The following TBXAS1 variants were observed in gnomAD, a reference collection of about 807,000 sequenced individuals.
TBXAS1 encodes thromboxane A synthase 1.
A neutral mutation model predicts 60.7 loss-of-function variants in TBXAS1; 48 were observed. The observed-to-expected ratio is 0.79, with a 90% confidence interval of 0.63 to 1.01. The LOEUF (loss-of-function observed/expected upper bound fraction) is 1.01, where lower values mean the gene tolerates loss of function less well. Ranked by LOEUF, TBXAS1 falls within the 50% of genes least tolerant of loss-of-function variation. TBXAS1 has a pLI of 0.00. For missense variants in TBXAS1, 685 were observed against 686.3 expected, an observed-to-expected ratio of 1.00 and a Z score of 0.02; for synonymous variants, 287 against 269.7, an observed-to-expected ratio of 1.06 and a Z score of -0.63.
chr7:139,959,151 C>T (rs1353637270), intron 8 of TBXAS1, among the ~76,000 whole-genome samples: 1 of 152,192 alleles, frequency 6.6e-6, no homozygotes, highest in Non-Finnish European at 1.5e-5. Context: ...TTGCCTAGAG[C>T]TTTTCCTTTT....
intron 9 of TBXAS1, among the ~76,000 whole-genome samples, chr7:139,990,777 G>A (rs2117593912): frequency 6.6e-6 from 1 of 151,596 alleles, no homozygotes; most frequent in East Asian, 2.0e-4. Context: ...TGGCTGCCTG[G>A]GCCTACGATC....
rs563154121 is a variant in TBXAS1 at position 140,013,984 on chromosome 7, G to A, written c.1227-1739G>A. 4.6e-4 allele frequency among the ~76,000 whole-genome samples: 70 copies of A among 152,256 alleles called. No individual in the cohort carries two copies. The highest frequency in any genetic ancestry group is 1.0e-3 in the Admixed American group (16 of 15,290). On this transcript the variant is annotated intron_variant, in intron 10 of 12. Transcript: ENST00000448866. The surrounding 1 kb of genome is among the most constrained non-coding windows in gnomAD (Gnocchi z 4.2). ...GCTACAGGTTTCACCAGCTAACTGC[G>A]ACTCTAGCCTCAGCTCTGGGGCCAT... is the stretch of plus-strand genomic sequence containing the variant.
intron 1 of TBXAS1, among the ~76,000 whole-genome samples, chr7:139,832,160 T>A (rs572250478): frequency 2.0e-3 from 303 of 152,252 alleles, no homozygotes; most frequent in African/African-American, 6.9e-3. Context: ...CCCCAAATAC[T>A]GTGAGTGCCC....
chr7:139,808,727 A>C (rs1002845287), intron 4 of TBXAS1, among the ~76,000 whole-genome samples: 1 of 152,020 alleles, frequency 6.6e-6, no homozygotes, highest in African/African-American at 2.4e-5. Context: ...TGCTCTCCCC[A>C]CATTGCAATG....
intron 9 of TBXAS1, among the ~76,000 whole-genome samples, chr7:139,995,755 C>T (rs1813242824): frequency 6.6e-6 from 1 of 152,228 alleles, no homozygotes; most frequent in Non-Finnish European, 1.5e-5. Context: ...ACCCCCACAA[C>T]TGCATGGCAC....
chr7:139,909,162 G>A (rs1271463844), intron 3 of TBXAS1, among the ~76,000 whole-genome samples: 1 of 152,090 alleles, frequency 6.6e-6, no homozygotes, highest in African/African-American at 2.4e-5. Flanking sequence ...ATTTCCTTGG[G>A]TTCATCTGAG....
chr7:139,990,640 C>T (rs575079808), intron 9 of TBXAS1, among the ~76,000 whole-genome samples: 1 of 152,118 alleles, frequency 6.6e-6, no homozygotes, highest in South Asian at 2.1e-4. Flanking sequence ...GCTGTGCCCC[C>T]TCTCGGGGCC....
chr7:139,799,988 G>A (rs1031414044), intron 4 of TBXAS1, among the ~76,000 whole-genome samples: 1 of 152,190 alleles, frequency 6.6e-6, no homozygotes, highest in Non-Finnish European at 1.5e-5. Flanking sequence ...AGCCAGAAAT[G>A]TGTGGATCAT....
intron 4 of TBXAS1, among the ~76,000 whole-genome samples, chr7:139,796,051 T>C (rs1797560408): frequency 6.6e-6 from 1 of 152,164 alleles, no homozygotes; most frequent in Non-Finnish European, 1.5e-5. Flanking sequence ...GGGGATCATG[T>C]TCCCCTGAAA....
intron 4 of TBXAS1, among the ~76,000 whole-genome samples, chr7:139,819,598 G>A (rs1255820086): frequency 6.6e-6 from 1 of 152,132 alleles, no homozygotes; most frequent in Non-Finnish European, 1.5e-5. Flanking sequence ...CGCCTCCCAG[G>A]TTCAAGCGAT....
chr7:139,905,107 T>C (rs1032989684), intron 3 of TBXAS1, among the ~76,000 whole-genome samples: 5 of 150,012 alleles, frequency 3.3e-5, no homozygotes, highest in Non-Finnish European at 5.9e-5. Context: ...CTCTCTCTCT[T>C]TCTTTCTCTT....
intron 3 of TBXAS1, among the ~76,000 whole-genome samples, chr7:139,889,101 G>C (rs1803347798): frequency 6.6e-6 from 1 of 152,102 alleles, no homozygotes; most frequent in African/African-American, 2.4e-5. Flanking sequence ...GGGAGGCCGA[G>C]GTGGGGAGAT....
At chr7:139,874,846 G>A (rs987690329) in intron 2 of TBXAS1, among the ~76,000 whole-genome samples, 2 of 152,214 alleles carry the variant, frequency 1.3e-5, no homozygotes, top group African/African-American at 4.8e-5. Context: ...TGTAATCCCA[G>A]CACTTTGGGA....
chr7:140,014,908 C>CAAAAA (rs771922926), intron 10 of TBXAS1, among the ~76,000 whole-genome samples: 1 of 131,280 alleles, frequency 7.6e-6, no homozygotes, highest in African/African-American at 3.1e-5. Context: ...GACCCTGTCT[C>CAAAAA]AAAAAAAAAG....
At chr7:139,805,154 G>A (rs62491750) in intron 4 of TBXAS1, among the ~76,000 whole-genome samples, 1 of 152,240 alleles carries the variant, frequency 6.6e-6, no homozygotes, top group Non-Finnish European at 1.5e-5. Flanking sequence ...GCCATCAGTG[G>A]CGCTAGCCAG....
intron 3 of TBXAS1, among the ~76,000 whole-genome samples, chr7:139,888,913 G>A (rs866712910): frequency 6.9e-6 from 1 of 144,688 alleles, no homozygotes; most frequent in African/African-American, 2.6e-5. Context: ...AGGGGTGCAG[G>A]GGGAGGATGG....
chr7:139,795,145 T>C, intron 4 of TBXAS1, among the ~76,000 whole-genome samples: 2 of 18,860 alleles, frequency 1.1e-4, no homozygotes, highest in Non-Finnish European at 1.7e-4. Context: ...TGTAAAAGTG[T>C]TCCTATTTCT....
intron 1 of TBXAS1, among the ~76,000 whole-genome samples, chr7:139,848,407 A>C (rs1799971980): frequency 1.3e-5 from 2 of 152,228 alleles, no homozygotes; most frequent in South Asian, 4.1e-4. Flanking sequence ...AGATGTGAAT[A>C]TGGAGGTCCA....
At chr7:139,845,969 C>G (rs113124286) in intron 1 of TBXAS1, among the ~76,000 whole-genome samples, 1 of 151,624 alleles carries the variant, frequency 6.6e-6, no homozygotes, top group Non-Finnish European at 1.5e-5. Context: ...GGACTACAAG[C>G]GAGCACTACC....
Sources: allele counts gnomAD v4.1 joint callset (sites outside exome capture counted in the v4.1 genomes callset), GRCh38; gene constraint gnomAD v4.1.1; non-coding constraint Gnocchi (gnomAD v3.1); transcripts MANE v1.5; gene names NCBI Gene and HGNC (gene_info 2026-07-23, HGNC 2026-07-21).